The following ACYP2 variants were observed in gnomAD, a reference collection of about 807,000 sequenced individuals.
ACYP2 encodes the protein acylphosphatase-2.
Under a neutral mutation model 11.2 loss-of-function variants are expected in ACYP2, and 12 were observed. The ratio of observed to expected loss-of-function variants is 1.08; its 90% CI spans 0.69 to 1.74. The LOEUF (loss-of-function observed/expected upper bound fraction) is 1.74. Among genes scored for constraint, ACYP2 ranks in the 40% most tolerant of loss-of-function variants. The pLI is 0.00. For missense variants in ACYP2, 134 were observed against 101.9 expected (o/e 1.31, Z -1.35); for synonymous variants, 43 against 32.2 (o/e 1.33, Z -1.13).
intron 2 of ACYP2, among the ~76,000 whole-genome samples, chr2:53,974,798 A>G (rs1370517045): frequency 6.6e-6 from 1 of 152,184 alleles, no homozygotes; most frequent in Admixed American, 6.5e-5. Context: ...TACCTACATT[A>G]TCTCACTGAA....
intron 2 of ACYP2, among the ~76,000 whole-genome samples, chr2:53,991,021 C>T (rs925301469): frequency 8.5e-5 from 13 of 152,152 alleles, no homozygotes; most frequent in Non-Finnish European, 1.2e-4. Flanking sequence ...TAGTCTAGAT[C>T]TCCTGACCTT....
intron 3 of ACYP2, among the ~76,000 whole-genome samples, chr2:54,057,036 A>G (rs747527083): frequency 3.3e-5 from 5 of 152,212 alleles, no homozygotes; most frequent in Non-Finnish European, 4.4e-5. Flanking sequence ...TATAGCTATT[A>G]TCCCAATAAT....
chr2:54,066,770 G>A (rs1180792638), intron 4 of ACYP2, among the ~76,000 whole-genome samples: 5 of 152,206 alleles, frequency 3.3e-5, no homozygotes, highest in Admixed American at 6.5e-5. Context: ...TAAAATTTAA[G>A]TGGCTAAAAG....
intron 2 of ACYP2, among the ~76,000 whole-genome samples, chr2:53,982,356 C>G (rs188686130): frequency 2.5e-4 from 38 of 152,282 alleles, no homozygotes; most frequent in Admixed American, 2.2e-3. Context: ...TATATCAAAT[C>G]CCTAGTTCTC....
intron 6 of ACYP2, among the ~76,000 whole-genome samples, chr2:54,209,911 C>T (rs907734448): frequency 3.3e-5 from 5 of 152,086 alleles, no homozygotes; most frequent in African/African-American, 7.2e-5. Context: ...GAGGCTGAGG[C>T]TGGCGGATCG....
At chr2:54,163,624 G>A (rs576050184) in intron 6 of ACYP2, among the ~76,000 whole-genome samples, 3 of 152,104 alleles carry the variant, frequency 2.0e-5, no homozygotes, top group Non-Finnish European at 4.4e-5. Flanking sequence ...GGAGGCCTAG[G>A]GGGGTGGCTC....
intron 2 of ACYP2, among the ~76,000 whole-genome samples, chr2:54,015,644 G>A (rs868181119): frequency 3.4e-3 from 245 of 71,292 alleles, no homozygotes; most frequent in Admixed American, 7.7e-3. Context: ...GTGAGACCCC[G>A]TCACACACAC....
At chr2:54,014,758 T>C (rs1673587735) in intron 2 of ACYP2, among the ~76,000 whole-genome samples, 1 of 152,134 alleles carries the variant, frequency 6.6e-6, no homozygotes, top group African/African-American at 2.4e-5. Context: ...TGTTTCTTTT[T>C]ATTTATTTAT....
chr2:54,202,671 G>T (rs1391706022), intron 6 of ACYP2, among the ~76,000 whole-genome samples: 4 of 132,112 alleles, frequency 3.0e-5, no homozygotes, highest in Non-Finnish European at 6.2e-5. Flanking sequence ...GTCTCCCAAA[G>T]TGCTGGGATT....
chr2:54,093,638 G>A (rs13418839), intron 4 of ACYP2, among the ~76,000 whole-genome samples: 11 of 152,036 alleles, frequency 7.2e-5, no homozygotes, highest in African/African-American at 2.7e-4. Flanking sequence ...GAATAACAAT[G>A]ATATTAAATA....
In ACYP2 at chr2:54,076,305, A is replaced by T. The variant is rs181557056; in HGVS notation, c.277+18945A>T. 6.4e-3 allele frequency among the ~76,000 whole-genome samples: 979 copies of T among 152,356 alleles called. 8 individuals are homozygous for T. The highest frequency in any genetic ancestry group is 9.8e-3 in the Non-Finnish European group (664 of 68,038). ...CTTATCTGCATTGTATTTAAAATTT[A>T]TACGGAGAATATATTGTATGCATTA... On this transcript the variant is annotated intron_variant, in intron 4 of 6. Transcript: ENST00000607452.
chr2:54,103,131 G>C (rs1678987337), intron 4 of ACYP2, among the ~76,000 whole-genome samples: 1 of 151,920 alleles, frequency 6.6e-6, no homozygotes, highest in Admixed American at 6.6e-5. Context: ...AAAAAGAGTG[G>C]ATACTGTGCC....
chr2:54,005,390 A>T (rs1382956704), intron 2 of ACYP2, among the ~76,000 whole-genome samples: 1 of 147,908 alleles, frequency 6.8e-6, no homozygotes, highest in Admixed American at 6.8e-5. Context: ...CCCAGGCTGG[A>T]GTGTAAGGGC....
chr2:54,186,104 A>G (rs147319795), intron 6 of ACYP2, among the ~76,000 whole-genome samples: 231 of 152,290 alleles, frequency 1.5e-3, no homozygotes, highest in African/African-American at 5.3e-3. Flanking sequence ...AACAAAATTG[A>G]ATATAAAGAG....
At chr2:54,089,669 GGTCAAGGTTGCAGTGAGCC>G (rs745490567) in intron 4 of ACYP2, among the ~76,000 whole-genome samples, 5 of 151,958 alleles carry the variant, frequency 3.3e-5, no homozygotes, top group Non-Finnish European at 7.4e-5. Flanking sequence ...AAGCCCCAGT[GGTCAAGGTTGCAGTGAGCC>G]GTGACTGCAC....
chr2:54,067,349 C>T (rs765944209), intron 4 of ACYP2, among the ~76,000 whole-genome samples: 14 of 151,968 alleles, frequency 9.2e-5, no homozygotes, highest in Non-Finnish European at 1.8e-4. Flanking sequence ...AAGAAGAAGG[C>T]GAAATAAGTT....
chr2:54,070,535 A>G (rs1309004465), intron 4 of ACYP2, among the ~76,000 whole-genome samples: 7 of 152,098 alleles, frequency 4.6e-5, no homozygotes, highest in Admixed American at 4.6e-4. Flanking sequence ...CCACTTACTT[A>G]GCTCTTTTAT....
intron 4 of ACYP2, among the ~76,000 whole-genome samples, chr2:54,089,618 T>C (rs2103678686): frequency 1.3e-5 from 2 of 152,032 alleles, no homozygotes; most frequent in East Asian, 3.9e-4. Flanking sequence ...TGCATGCCTG[T>C]AGTCCCAGCT....
intron 6 of ACYP2, among the ~76,000 whole-genome samples, chr2:54,297,958 G>A (rs939679697): frequency 2.0e-5 from 3 of 152,170 alleles, no homozygotes; most frequent in African/African-American, 7.2e-5. Context: ...ATGAAATTAT[G>A]CTAAACTCTA....
Sources: gnomAD v4.1 joint callset for allele counts (sites outside exome capture counted in the v4.1 genomes callset) on GRCh38, gnomAD v4.1.1 for gene constraint, MANE v1.5 for transcripts, NCBI Gene and HGNC (gene_info 2026-07-23, HGNC 2026-07-21) for gene names.